The following ITSN1 variants were observed in gnomAD, a reference collection of about 807,000 sequenced individuals.
ITSN1 encodes the protein intersectin-1.
ITSN1 carries 58 observed loss-of-function variants against 239.8 expected under a neutral mutation model. The ratio of observed to expected loss-of-function variants is 0.24; its 90% CI spans 0.20 to 0.30. The LOEUF (loss-of-function observed/expected upper bound fraction) is 0.30, where lower values mean the gene tolerates loss of function less well. Among genes scored for constraint, ITSN1 ranks in the 10% least tolerant of loss-of-function variants. The probability of loss-of-function intolerance (pLI) is 1.00; values close to 1 mark genes in which losing one functional copy is unlikely to be tolerated. For synonymous variants in ITSN1, 780 were observed against 770.8 expected, an observed-to-expected ratio of 1.01 and a Z score of -0.20; for missense variants, 1,558 against 2,103.3, an observed-to-expected ratio of 0.74 and a Z score of 5.07.
At chr21:33,685,969 C>A (rs968592675) in intron 1 of ITSN1, among the ~76,000 whole-genome samples, 2 of 152,128 alleles carry the variant, frequency 1.3e-5, no homozygotes, top group African/African-American at 4.8e-5. Context: ...CCAATTTTGC[C>A]ATACTTGTTT....
At chr21:33,860,961 G>T (rs1489704623) in intron 31 of ITSN1, among the ~76,000 whole-genome samples, 1 of 152,164 alleles carries the variant, frequency 6.6e-6, no homozygotes, top group Non-Finnish European at 1.5e-5. Flanking sequence ...AGGGGCTGCT[G>T]GCTTCCCTCC....
intron 1 of ITSN1, among the ~76,000 whole-genome samples, chr21:33,655,803 TG>T (rs1470626532): frequency 6.6e-6 from 1 of 152,012 alleles, no homozygotes; most frequent in Admixed American, 6.6e-5. Context: ...TACCTGGGGC[TG>T]GGCTTAGTTC....
rs1188283621 is a variant in ITSN1 at position 33,690,815 on chromosome 21, GTATA to G, written c.-32-27962_-32-27959del. Among the ~76,000 whole-genome samples the G allele has an allele frequency of 6.3e-4, 7 of 11,074 alleles. 1 individual carries two copies. The highest frequency in any genetic ancestry group is 2.2e-3 in the African/African-American group (6 of 2,726). The allele number at this position is 11,074 out of a possible 152,430, so 7.3% of individuals were successfully genotyped here. On this transcript the variant is annotated intron_variant, in intron 1 of 39. Transcript: ENST00000381318. ...CATATATATATATATATATATATATGTATATATATATATATATATATATGTAAAA... is the reference window on the plus strand; with the variant it reads ...CATATATATATATATATATATATATGTATATATATATATATATATGTAAAA...
intron 22 of ITSN1, chr21:33,817,694 G>A: frequency 9.1e-7 from 1 of 1,098,506 alleles, no homozygotes; most frequent in Non-Finnish European, 1.2e-6. Flanking sequence ...TAATCTCATG[G>A]GGCAGTGCAT....
intron 1 of ITSN1, among the ~76,000 whole-genome samples, chr21:33,663,728 G>A (rs1418846843): frequency 6.6e-6 from 1 of 152,040 alleles, no homozygotes; most frequent in Admixed American, 6.6e-5. Flanking sequence ...TCAGCCTCCC[G>A]AGTAGCTGGG....
chr21:33,837,466 CTT>C (rs1370582112), intron 29 of ITSN1: 1 of 986,044 alleles, frequency 1.0e-6, no homozygotes, highest in Admixed American at 6.1e-5. Flanking sequence ...AAATCTGAGA[CTT>C]GATGTATTTT....
chr21:33,652,347 C>T (rs1181178450), intron 1 of ITSN1, among the ~76,000 whole-genome samples: 1 of 152,128 alleles, frequency 6.6e-6, no homozygotes, highest in Non-Finnish European at 1.5e-5. Flanking sequence ...ATTGTTAACA[C>T]ACTGGGGTTC....
intron 5 of ITSN1, among the ~76,000 whole-genome samples, chr21:33,747,752 G>A (rs1056796722): frequency 1.3e-5 from 2 of 152,248 alleles, no homozygotes; most frequent in African/African-American, 4.8e-5. Flanking sequence ...AAAAATGAAG[G>A]TGAAATAATG....
chr21:33,675,686 A>G (rs1356242015), intron 1 of ITSN1, among the ~76,000 whole-genome samples: 1 of 152,258 alleles, frequency 6.6e-6, no homozygotes, highest in Non-Finnish European at 1.5e-5. Context: ...GTCTATGCTC[A>G]TTGCCGGTTT....
At chr21:33,828,442 A>G (rs1184694797) in intron 26 of ITSN1, among the ~76,000 whole-genome samples, 1 of 152,222 alleles carries the variant, frequency 6.6e-6, no homozygotes, top group Non-Finnish European at 1.5e-5. Flanking sequence ...GGCCTGCACC[A>G]TGACCGCCAG....
intron 4 of ITSN1, among the ~76,000 whole-genome samples, chr21:33,723,767 T>A (rs569165085): frequency 6.6e-6 from 1 of 152,140 alleles, no homozygotes; most frequent in African/African-American, 2.4e-5. Flanking sequence ...TTTGTGAGAG[T>A]TGTTGAGAGG....
rs187796904 is a variant in ITSN1 at position 33,726,324 on chromosome 21, A to G, written c.185+3673A>G. On this transcript the variant is annotated intron_variant, in intron 4 of 39. Coordinates refer to ENST00000381318, the MANE Select transcript of ITSN1 (RefSeq NM_003024.3). Reference sequence around the variant, plus strand: ...TAGGTTTTTAAAATTGCAACTAATAATAGCTGATCTAAAGAAGCAGCTCCC... The same window carrying G: ...TAGGTTTTTAAAATTGCAACTAATAGTAGCTGATCTAAAGAAGCAGCTCCC... Among the ~76,000 whole-genome samples, 226 of 151,444 alleles carry G rather than the reference A, an allele frequency of 1.5e-3. 2 individuals are homozygous for G. The highest frequency in any genetic ancestry group is 1.9e-3 in the Non-Finnish European group (126 of 67,892).
chr21:33,811,527 A>G (rs973685211), intron 21 of ITSN1, among the ~76,000 whole-genome samples: 10 of 152,160 alleles, frequency 6.6e-5, no homozygotes, highest in Non-Finnish European at 1.5e-4. Context: ...TTTCCTAATA[A>G]TCTATTTTGA....
At chr21:33,677,768 T>C (rs2211689) in intron 1 of ITSN1, among the ~76,000 whole-genome samples, 23,740 of 152,120 alleles carry the variant, frequency 0.16, 2,406 homozygotes, top group African/African-American at 0.27. Flanking sequence ...TTGATTCCGC[T>C]CTTCCACCAC....
intron 27 of ITSN1, among the ~76,000 whole-genome samples, chr21:33,830,907 G>A (rs1482728341): frequency 7.0e-6 from 1 of 142,164 alleles, no homozygotes; most frequent in Non-Finnish European, 1.5e-5. Flanking sequence ...GGTGGGGGGG[G>A]AGGGAGGGAG....
Position 33,826,897 on chromosome 21 carries a change from GT to G in ITSN1, c.3229+38del, listed in dbSNP as rs779824287. 4 of 1,566,208 alleles carry G rather than the reference GT, an allele frequency of 2.6e-6. No homozygotes were observed. The East Asian group carries it at 6.7e-5, about 26-fold the overall frequency. On this transcript the variant is annotated intron_variant, in intron 26 of 39. Coordinates refer to ENST00000381318, the MANE Select transcript of ITSN1 (RefSeq NM_003024.3). ...CAAACCCTGATGCTTACTTTTCAAT[GT>G]TTTGAATGTAATTGATAGTTGCTCC...
chr21:33,650,014 G>A (rs2088359337), intron 1 of ITSN1, among the ~76,000 whole-genome samples: 3 of 148,254 alleles, frequency 2.0e-5, no homozygotes, highest in African/African-American at 5.0e-5. Flanking sequence ...TGGCGACAGA[G>A]CGAGACTCTG....
At chr21:33,717,648 T>C (rs1408790859) in intron 1 of ITSN1, among the ~76,000 whole-genome samples, 5 of 151,932 alleles carry the variant, frequency 3.3e-5, no homozygotes, top group South Asian at 2.1e-4. Flanking sequence ...CTCCATCTCC[T>C]GGGTTCACGC....
intron 31 of ITSN1, among the ~76,000 whole-genome samples, chr21:33,859,945 C>G (rs781228910): frequency 2.0e-4 from 31 of 152,214 alleles, no homozygotes; most frequent in Non-Finnish European, 4.3e-4. Flanking sequence ...GGGCTCACAT[C>G]CGCTATTGCC....
Sources: allele counts gnomAD v4.1 joint callset (sites outside exome capture counted in the v4.1 genomes callset), GRCh38; gene constraint gnomAD v4.1.1; transcripts MANE v1.5; gene names NCBI Gene and HGNC (gene_info 2026-07-23, HGNC 2026-07-21).